The following CFAP20DC variants were observed in gnomAD, a reference collection of about 807,000 sequenced individuals.
CFAP20DC encodes protein CFAP20DC.
In CFAP20DC, 84 loss-of-function variants were observed where a neutral mutation model predicts 101.7. That is an observed-to-expected ratio of 0.83 (90% CI 0.69 to 0.99). The LOEUF is 0.99. Ranked by LOEUF, CFAP20DC falls within the 50% of genes least tolerant of loss-of-function variation. The pLI is 0.00. For missense variants in CFAP20DC, 1,007 were observed against 970.3 expected (o/e 1.04, Z -0.50); for synonymous variants, 359 against 351.2 (o/e 1.02, Z -0.25).
At chr3:58,818,403 G>A (rs1158021976) in intron 14 of CFAP20DC, among the ~76,000 whole-genome samples, 17 of 148,292 alleles carry the variant, frequency 1.1e-4, no homozygotes, top group East Asian at 8.3e-4. Flanking sequence ...CCCATCTCAC[G>A]TGCAGAGACA....
At chr3:58,839,508 G>T (rs1214072148) in intron 13 of CFAP20DC, among the ~76,000 whole-genome samples, 1 of 152,164 alleles carries the variant, frequency 6.6e-6, no homozygotes, top group Admixed American at 6.5e-5. Flanking sequence ...AGATCTTAGT[G>T]CTTTTAGGAA....
intron 6 of CFAP20DC, among the ~76,000 whole-genome samples, chr3:58,895,811 A>G (rs2082623504): frequency 6.6e-6 from 1 of 152,246 alleles, no homozygotes; most frequent in Non-Finnish European, 1.5e-5. Flanking sequence ...GGGAGGCCTC[A>G]GAATCATGGT....
At position 58,771,311 on chromosome 3, in the gene CFAP20DC, G is replaced by T. The variant is rs375038861; in HGVS notation, c.2238-17448C>A. Among the ~76,000 whole-genome samples, 24 of 152,094 alleles carry T rather than the reference G, an allele frequency of 1.6e-4. 1 individual carries two copies. The highest frequency in any genetic ancestry group is 5.5e-4 in the African/African-American group (23 of 41,502). The stretch of plus-strand genomic sequence containing the variant: ...AAATACCTAATGTAGGTGATGGGTT[G>T]ATGGCTGCAGCAAACCACCATGGCA... On this transcript the variant is annotated intron_variant, in intron 15 of 16. Transcript: ENST00000482387.
intron 4 of CFAP20DC, among the ~76,000 whole-genome samples, chr3:58,950,424 T>G (rs1175495235): frequency 6.6e-6 from 1 of 152,128 alleles, no homozygotes; most frequent in African/African-American, 2.4e-5. Flanking sequence ...AAAGTTCATA[T>G]GGAACCAAAA....
intron 4 of CFAP20DC, chr3:59,017,541 T>C (rs1325153808): frequency 6.6e-6 from 1 of 152,162 alleles, no homozygotes; most frequent in Non-Finnish European, 1.5e-5. Context: ...TAGTGACCTA[T>C]GACATGGTTC....
intron 12 of CFAP20DC, among the ~76,000 whole-genome samples, chr3:58,860,963 G>A (rs918059325): frequency 2.0e-5 from 3 of 151,908 alleles, no homozygotes; most frequent in South Asian, 2.1e-4. Context: ...GGCTGCCTAC[G>A]GAATAAAATA....
chr3:58,909,263 T>C (rs2083906266), intron 6 of CFAP20DC, among the ~76,000 whole-genome samples: 1 of 152,138 alleles, frequency 6.6e-6, no homozygotes, highest in African/African-American at 2.4e-5. Context: ...ACAAAGGACA[T>C]GATGAAAACT....
At chr3:58,798,546 C>T (rs1338500765) in intron 15 of CFAP20DC, among the ~76,000 whole-genome samples, 1 of 152,150 alleles carries the variant, frequency 6.6e-6, no homozygotes. Context: ...GTAATGACAA[C>T]AAAGTATTTG....
At chr3:58,927,538 G>C (rs116517925) in intron 5 of CFAP20DC, among the ~76,000 whole-genome samples, 37 of 152,344 alleles carry the variant, frequency 2.4e-4, no homozygotes, top group African/African-American at 8.9e-4. Context: ...GCTTGTGTGA[G>C]ATAAGGCAGG....
At chr3:58,945,274 T>C (rs1045187545) in intron 4 of CFAP20DC, among the ~76,000 whole-genome samples, 16 of 152,278 alleles carry the variant, frequency 1.1e-4, no homozygotes, top group Admixed American at 2.0e-4. Flanking sequence ...TTGGGGCAGG[T>C]GATCCCTATA....
chr3:58,834,204 T>C (rs894165084), intron 13 of CFAP20DC, among the ~76,000 whole-genome samples: 1 of 152,152 alleles, frequency 6.6e-6, no homozygotes, highest in African/African-American at 2.4e-5. Flanking sequence ...ATACAAATTA[T>C]ATTTCAATTT....
intron 15 of CFAP20DC, among the ~76,000 whole-genome samples, chr3:58,762,566 T>C (rs140765647): frequency 6.6e-6 from 1 of 152,240 alleles, no homozygotes; most frequent in African/African-American, 2.4e-5. Context: ...ATGTGTGAAT[T>C]TGATCCTGTC....
intron 4 of CFAP20DC, among the ~76,000 whole-genome samples, chr3:58,962,397 T>C (rs1342492923): frequency 1.3e-5 from 2 of 152,256 alleles, no homozygotes; most frequent in Non-Finnish European, 1.5e-5. Context: ...ATAATTTCAA[T>C]CATTTTAAAT....
intron 4 of CFAP20DC, among the ~76,000 whole-genome samples, chr3:58,954,897 C>A (rs2090484128): frequency 6.6e-6 from 1 of 151,744 alleles, no homozygotes; most frequent in Non-Finnish European, 1.5e-5. Context: ...CCATTTGATT[C>A]CCTTTTTAAA....
chr3:58,890,187 C>T (rs1336824848), intron 6 of CFAP20DC, among the ~76,000 whole-genome samples: 18 of 149,342 alleles, frequency 1.2e-4, no homozygotes, highest in Non-Finnish European at 1.2e-4. Flanking sequence ...GGGGGCTGAC[C>T]CCCCCACCTC....
chr3:58,875,489 G>A (rs971101274), intron 7 of CFAP20DC, among the ~76,000 whole-genome samples: 2 of 152,148 alleles, frequency 1.3e-5, no homozygotes. Context: ...GTGTGGGCCT[G>A]GGAGGGATTT....
At chr3:58,793,668 T>TTTGG (rs2073028425) in intron 15 of CFAP20DC, among the ~76,000 whole-genome samples, 1 of 152,104 alleles carries the variant, frequency 6.6e-6, no homozygotes, top group African/African-American at 2.4e-5. Context: ...CTTACTAAGG[T>TTTGG]GTCAAGGAAA....
chr3:58,814,166 G>A (rs544172329), intron 14 of CFAP20DC, among the ~76,000 whole-genome samples: 1 of 151,826 alleles, frequency 6.6e-6, no homozygotes, highest in South Asian at 2.1e-4. Context: ...CTGATATTCA[G>A]GTGAATTTCC....
At chr3:58,852,970 G>T (rs2078395240) in intron 12 of CFAP20DC, among the ~76,000 whole-genome samples, 1 of 152,046 alleles carries the variant, frequency 6.6e-6, no homozygotes, top group African/African-American at 2.4e-5. Flanking sequence ...CAGAAGGCAA[G>T]AAATAACTAA....
Sources: gnomAD v4.1 joint callset for allele counts (sites outside exome capture counted in the v4.1 genomes callset) on GRCh38, gnomAD v4.1.1 for gene constraint, MANE v1.5 for transcripts, NCBI Gene and HGNC (gene_info 2026-07-23, HGNC 2026-07-21) for gene names.